The following C5orf63 variants were observed in gnomAD, a reference collection of about 807,000 sequenced individuals.
C5orf63 encodes the protein chromosome 5 open reading frame 63.
A neutral mutation model predicts 13.3 loss-of-function variants in C5orf63; 18 were observed. That is an observed-to-expected ratio of 1.36 (90% CI 0.94 to 2.01). The LOEUF is 2.01. C5orf63 is among the 30% of genes most tolerant of loss of function. The pLI, the probability that C5orf63 is intolerant of heterozygous loss-of-function variation, is 0.00. For missense variants in C5orf63, 118 were observed against 127.7 expected (o/e 0.92, Z 0.36); for synonymous variants, 38 against 44.7 (o/e 0.85, Z 0.60).
At position 127,051,471 on chromosome 5, in the gene C5orf63, T is replaced by G. The variant is rs1422210539; in HGVS notation, c.*300A>C. On this transcript the variant is annotated 3_prime_UTR_variant, in exon 5 of 5. Coordinates refer to ENST00000296662, the MANE Select transcript of C5orf63 (RefSeq NM_001164478.2). ...CCTATAAATGGCATTGCCCAGTGAC[T>G]GTGAAGTGCTTCTCTATTAATACAA... is the stretch of plus-strand genomic sequence containing the variant. 3.2e-6 allele frequency: 4 copies of G among 1,233,990 alleles called. No homozygotes were observed. In the Admixed American group the frequency reaches 1.2e-4, roughly 38 times the overall value. 76.4% of individuals were successfully genotyped at this position (1,233,990 alleles called of 1,614,324 possible). A position where few individuals can be genotyped will look rare whatever the true frequency, so the allele number is the denominator to read the frequency against.
At chr5:127,061,271 T>G (rs1444720038) in intron 2 of C5orf63, among the ~76,000 whole-genome samples, 1 of 152,172 alleles carries the variant, frequency 6.6e-6, no homozygotes, top group African/African-American at 2.4e-5. Flanking sequence ...GAGACAAGGC[T>G]CCTCAGTGTG....
At chr5:127,048,961 C>A (rs1275589987), downstream of C5orf63, among the ~76,000 whole-genome samples, 1 of 152,178 alleles carries the variant, frequency 6.6e-6, no homozygotes, top group Non-Finnish European at 1.5e-5. Context: ...ACAATTCTCA[C>A]CCTGCCTGGA....
downstream of C5orf63, among the ~76,000 whole-genome samples, chr5:127,050,968 G>A (rs950099207): frequency 1.3e-5 from 2 of 152,264 alleles, no homozygotes; most frequent in African/African-American, 2.4e-5. Flanking sequence ...ATGGCAAAGA[G>A]TATTTTATCT....
intron 3 of C5orf63, 37 bp downstream of exon 3, chr5:127,058,844 CT>C (rs2126889527): frequency 7.4e-7 from 1 of 1,344,252 alleles, no homozygotes; most frequent in African/African-American, 1.5e-5. Flanking sequence ...AAATGTACAA[CT>C]TTCTTCACCC....
At chr5:127,048,994 C>T (rs1257925113), downstream of C5orf63, among the ~76,000 whole-genome samples, 2 of 152,202 alleles carry the variant, frequency 1.3e-5, no homozygotes, top group East Asian at 3.8e-4. Context: ...GAACACAGGA[C>T]ACCCAGACAC....
downstream of C5orf63, chr5:127,047,823 T>A (rs1426598712): frequency 1.4e-6 from 1 of 703,924 alleles, no homozygotes; most frequent in Non-Finnish European, 2.6e-6. Context: ...AGTTGTATCT[T>A]TTCCCCGACT....
intron 2 of C5orf63, among the ~76,000 whole-genome samples, chr5:127,066,673 C>T (rs1019090430): frequency 8.6e-5 from 13 of 151,750 alleles, no homozygotes; most frequent in African/African-American, 3.1e-4. Flanking sequence ...AGGTTTGATA[C>T]TCAGGAAAAA....
At chr5:127,049,561 C>T (rs965820487), downstream of C5orf63, among the ~76,000 whole-genome samples, 1 of 152,192 alleles carries the variant, frequency 6.6e-6, no homozygotes, top group Admixed American at 6.6e-5. Context: ...ATTCACTTGT[C>T]TCTCCTTGCT....
Position 127,052,239 on chromosome 5 carries a change from C to A in C5orf63, c.172-292G>T, listed in dbSNP as rs1028401520. 8.9e-5 allele frequency: 30 copies of A among 336,230 alleles called. 1 individual carries two copies. Among genetic ancestry groups the A allele is most frequent in the Admixed American group, 6.3e-4 (14 of 22,116 alleles). 20.8% of individuals were successfully genotyped at this position (336,230 alleles called of 1,614,324 possible). A position where few individuals can be genotyped will look rare whatever the true frequency, so the allele number is the denominator to read the frequency against. Reference sequence around the variant, plus strand: ...CCCAGTTGGGAAGCTGACTGAGAATCAGGACAGAAATGTTTTGGTTACAGG... The same window carrying A: ...CCCAGTTGGGAAGCTGACTGAGAATAAGGACAGAAATGTTTTGGTTACAGG... On this transcript the variant is annotated intron_variant, in intron 4 of 4. Transcript: ENST00000296662.
chr5:127,059,153 C>T (rs940225508), intron 2 of C5orf63, among the ~76,000 whole-genome samples, 151 bp from the exon 3 acceptor site: 5 of 152,134 alleles, frequency 3.3e-5, no homozygotes, highest in African/African-American at 1.2e-4. Context: ...ATAAATTTGG[C>T]AAGTCTCTCT....
chr5:127,067,089 CT>C (rs1344720206), intron 2 of C5orf63, among the ~76,000 whole-genome samples: 1 of 152,110 alleles, frequency 6.6e-6, no homozygotes, highest in African/African-American at 2.4e-5. Flanking sequence ...AATGAACTAC[CT>C]TAAGTGGTTC....
At chr5:127,044,098 T>C (rs1395475468), downstream of C5orf63, 1 of 152,188 alleles carries the variant, frequency 6.6e-6, no homozygotes, top group Non-Finnish European at 1.5e-5. Flanking sequence ...GCCTTTAACT[T>C]GTATCATCTA....
chr5:127,047,957 T>C (rs1272656116), downstream of C5orf63: 15 of 644,014 alleles, frequency 2.3e-5, no homozygotes, highest in African/African-American at 1.1e-4. Context: ...AGAATGTTCT[T>C]ATTTCAGTGG....
downstream of C5orf63, among the ~76,000 whole-genome samples, chr5:127,049,909 T>C (rs1196840277): frequency 1.3e-5 from 2 of 152,188 alleles, no homozygotes; most frequent in Non-Finnish European, 2.9e-5. Context: ...CTTGAAGCTA[T>C]AGGACTGATG....
At chr5:127,071,101 T>C (rs1754521836) in intron 2 of C5orf63, among the ~76,000 whole-genome samples, 1 of 152,192 alleles carries the variant, frequency 6.6e-6, no homozygotes. Flanking sequence ...ATTTGCAATG[T>C]GCCAGGTGCT....
chr5:127,065,016 T>C (rs372987730), intron 2 of C5orf63, among the ~76,000 whole-genome samples: 1 of 152,192 alleles, frequency 6.6e-6, no homozygotes, highest in Non-Finnish European at 1.5e-5. Context: ...GCCTGCTGTT[T>C]AGCTCATTTT....
At chr5:127,048,196 T>C (rs58164143), downstream of C5orf63, among the ~76,000 whole-genome samples, 9,992 of 150,490 alleles carry the variant, frequency 0.066, 660 homozygotes, top group African/African-American at 0.17. Context: ...GCAACGAAGG[T>C]GCCCTCATAC....
intron 3 of C5orf63, among the ~76,000 whole-genome samples, chr5:127,056,032 C>A (rs951074945): frequency 5.9e-5 from 9 of 152,142 alleles, no homozygotes; most frequent in Admixed American, 5.9e-4. Flanking sequence ...TGTCCCTAAC[C>A]ATAGTGGGCA....
intron 1 of C5orf63, among the ~76,000 whole-genome samples, chr5:127,072,601 T>C (rs541235111): frequency 1.3e-5 from 2 of 152,234 alleles, no homozygotes; most frequent in Admixed American, 6.5e-5. Context: ...CCTTGAGGAA[T>C]TGAGAATCTT....
Sources: allele counts gnomAD v4.1 joint callset (sites outside exome capture counted in the v4.1 genomes callset), GRCh38; gene constraint gnomAD v4.1.1; transcripts MANE v1.5; gene names NCBI Gene and HGNC (gene_info 2026-07-23, HGNC 2026-07-21).